NT5M: variants seen among roughly 807,000 people sequenced by gnomAD.
NT5M encodes the protein 5',3'-nucleotidase, mitochondrial.
In NT5M, 22 loss-of-function variants were observed where a neutral mutation model predicts 22.2. The observed-to-expected ratio is 0.99, with a 90% CI of 0.71 to 1.41. The LOEUF (loss-of-function observed/expected upper bound fraction) is 1.41. Ranked by LOEUF, NT5M falls within the 40% of genes most tolerant of loss-of-function variation. The pLI, the probability that NT5M is intolerant of heterozygous loss-of-function variation, is 0.00. For missense variants in NT5M, 322 were observed against 314.8 expected, an observed-to-expected ratio of 1.02 and a Z score of -0.17; for synonymous variants, 167 against 133.0, an observed-to-expected ratio of 1.26 and a Z score of -1.76.
At chr17:17,328,900 GT>G (rs2049316547) in intron 3 of NT5M, among the ~76,000 whole-genome samples, 2 of 152,182 alleles carry the variant, frequency 1.3e-5, no homozygotes, top group South Asian at 4.1e-4. Context: ...AGCCAAGCTG[GT>G]AGTATACGTC....
intron 3 of NT5M, among the ~76,000 whole-genome samples, chr17:17,330,215 G>A (rs1468704731): frequency 1.3e-5 from 2 of 150,954 alleles, no homozygotes; most frequent in Admixed American, 6.6e-5. Context: ...CAGGAGAATG[G>A]CGTGAACCCG....
At chr17:17,316,655 A>T (rs1486964805) in intron 2 of NT5M, among the ~76,000 whole-genome samples, 2 of 142,468 alleles carry the variant, frequency 1.4e-5, no homozygotes, top group Non-Finnish European at 3.1e-5. Context: ...GGATTACAGA[A>T]GTGAGCCACC....
chr17:17,303,417 C>G lies in NT5M; in HGVS notation c.-134C>G, dbSNP rs934478876. Reference sequence around the variant, plus strand: ...CGCGCCCGCACCCCGCGCTCCCCGCCCCGCTCCCCGTCCCGCGCTCCACGC... The same window carrying G: ...CGCGCCCGCACCCCGCGCTCCCCGCGCCGCTCCCCGTCCCGCGCTCCACGC... On this transcript the variant is annotated 5_prime_UTR_variant, in exon 1 of 5. Coordinates refer to ENST00000389022, the MANE Select transcript of NT5M (RefSeq NM_020201.4). 2.0e-6 allele frequency: 2 copies of G among 978,670 alleles called. No homozygotes were observed. Among genetic ancestry groups the G allele is most frequent in the South Asian group, 4.8e-5 (1 of 21,032 alleles). 60.6% of individuals were successfully genotyped at this position (978,670 alleles called of 1,614,324 possible). A position where few individuals can be genotyped will look rare whatever the true frequency, so the allele number is the denominator to read the frequency against.
intron 2 of NT5M, among the ~76,000 whole-genome samples, chr17:17,320,003 C>T (rs1007949860): frequency 2.6e-5 from 4 of 152,050 alleles, no homozygotes; most frequent in South Asian, 2.1e-4. Flanking sequence ...TCACCACGTC[C>T]GGCTATTTTT....
intron 1 of NT5M, among the ~76,000 whole-genome samples, chr17:17,306,174 T>C (rs1411573088): frequency 6.6e-6 from 1 of 152,098 alleles, no homozygotes; most frequent in Non-Finnish European, 1.5e-5. Flanking sequence ...AGGACTCTAC[T>C]ACCATGGTAA....
chr17:17,315,743 GGTTTTTTTGTTTTTT>G (rs2049009656), intron 2 of NT5M, among the ~76,000 whole-genome samples: 2 of 131,284 alleles, frequency 1.5e-5, no homozygotes, highest in Non-Finnish European at 1.6e-5. Flanking sequence ...TCTAACTTAG[GGTTTTTTTGTTTTTT>G]TTTTTTTTTT....
rs370474354 is a variant in NT5M, at chr17:17,303,796, C to T, written c.246C>T (p.Gly82=). The part of the protein sequence containing the change: ...RRGFWVSEQY[G]RLRPGLSEKA... ...GCTTCTGGGTGTCGGAGCAGTACGG[C>T]CGCCTGCGGCCAGGGCTGAGCGTGA... Residue 82 remains glycine (G), a synonymous_variant, in exon 1 of 5, where the codon GGC becomes GGT. Transcript: ENST00000389022. The T allele has an allele frequency of 2.8e-5, 43 of 1,543,220 alleles. No homozygotes were observed. The highest frequency in any genetic ancestry group is 3.8e-5 in the Non-Finnish European group (43 of 1,143,320).
chr17:17,342,751 C>T (rs2049672216), intron 3 of NT5M, among the ~76,000 whole-genome samples: 1 of 152,162 alleles, frequency 6.6e-6, no homozygotes, highest in South Asian at 2.1e-4. Flanking sequence ...AGAGAAGATG[C>T]CGCCTTTGCA....
At chr17:17,331,000 C>G (rs1004394348) in intron 3 of NT5M, among the ~76,000 whole-genome samples, 2 of 151,590 alleles carry the variant, frequency 1.3e-5, no homozygotes, top group East Asian at 3.9e-4. Flanking sequence ...CCTCAGCCTC[C>G]CAAAGTGCTA....
chr17:17,325,190 G>T (rs550486856), intron 3 of NT5M, among the ~76,000 whole-genome samples: 1 of 152,312 alleles, frequency 6.6e-6, no homozygotes, highest in Non-Finnish European at 1.5e-5. Context: ...GGGTGGCCAT[G>T]GTGGTTGACC....
chr17:17,317,269 T>C (rs1378290300), intron 2 of NT5M, among the ~76,000 whole-genome samples: 1 of 151,744 alleles, frequency 6.6e-6, no homozygotes, highest in Non-Finnish European at 1.5e-5. Context: ...CAGGTTAGTC[T>C]CGATCTCCTG....
Position 17,346,875 on chromosome 17 carries a change from G to C in NT5M, c.615G>C (p.Gln205His), listed in dbSNP as rs965987144. 1 of 1,607,678 alleles carries C rather than the reference G, an allele frequency of 6.2e-7. No individual in the cohort carries two copies. The highest frequency in any genetic ancestry group is 2.2e-5 in the East Asian group (1 of 44,860). ...GCCACAACCAGCACCTGCAGCTGCAGCCCCCCCGCCGCAGGCTGCACTCGT... is the reference window on the plus strand; with the variant it reads ...GCCACAACCAGCACCTGCAGCTGCACCCCCCCCGCCGCAGGCTGCACTCGT... ...TACHNQHLQL[Q>H]PPRRRLHSWA... Residue 205 changes from glutamine to histidine, a missense_variant, in exon 5 of 5, where the codon CAG becomes CAC. Gln to His is a conservative substitution (Grantham distance 24). Transcript: ENST00000389022.
intron 4 of NT5M, chr17:17,345,163 T>A: frequency 8.8e-7 from 1 of 1,133,062 alleles, no homozygotes; most frequent in Non-Finnish European, 1.2e-6. Flanking sequence ...CCCTTCAGCT[T>A]CAAAGCCTTG....
Position 17,323,256 on chromosome 17 carries a change from C to T in NT5M, c.429+11C>T, listed in dbSNP as rs1396738274. On this transcript the variant is annotated intron_variant, in intron 3 of 4. Coordinates refer to ENST00000389022, the MANE Select transcript of NT5M (RefSeq NM_020201.4). ...TGTCCCTATGAGAAGGTAAGGCGTG[C>T]GTCTGCTCAGCTGAGCCCTTACCCC... 6.2e-6 allele frequency: 10 copies of T among 1,610,664 alleles called. No homozygotes were observed. The highest frequency in any genetic ancestry group is 4.5e-5 in the East Asian group (2 of 44,880).
chr17:17,313,073 C>T (rs941668996), intron 2 of NT5M, among the ~76,000 whole-genome samples: 5 of 152,006 alleles, frequency 3.3e-5, no homozygotes, highest in South Asian at 2.1e-4. Context: ...AGTTCGAGAC[C>T]GGCCTGACCA....
intron 3 of NT5M, among the ~76,000 whole-genome samples, chr17:17,331,535 C>T (rs2049386138): frequency 6.6e-6 from 1 of 151,612 alleles, no homozygotes; most frequent in Admixed American, 6.6e-5. Context: ...CTAGTTAGAT[C>T]TGGCCATTTC....
rs533392187 is a variant in NT5M, at chr17:17,304,491, A to C, written c.267+674A>C. 30 of 957,134 alleles carry C rather than the reference A, an allele frequency of 3.1e-5. No homozygotes were observed. The Admixed American group carries it at 8.0e-4, about 26-fold the overall frequency. The allele number at this position is 957,134 out of a possible 1,614,324, so 59.3% of individuals were successfully genotyped here. ...ACACAGATCTTGGTTGGTAAATTTGAAGTATTTTGCAAAAGGAACAGGGGA... is the reference window on the plus strand; with the variant it reads ...ACACAGATCTTGGTTGGTAAATTTGCAGTATTTTGCAAAAGGAACAGGGGA... On this transcript the variant is annotated intron_variant, in intron 1 of 4. Coordinates refer to ENST00000389022, the MANE Select transcript of NT5M (RefSeq NM_020201.4).
In NT5M at chr17:17,344,836, C is replaced by G. The variant is rs1429727838; in HGVS notation, c.472C>G (p.Gln158Glu). Residue 158 changes from glutamine to glutamate, a missense_variant, in exon 4 of 5, where the codon CAG becomes GAG. By Grantham distance (29) the Gln-to-Glu change is conservative (BLOSUM62 2). Coordinates refer to ENST00000389022, the MANE Select transcript of NT5M (RefSeq NM_020201.4). ...GTACTTTGGCCCTGACTTTCTGGAG[C>G]AGATTGTGCTGACCAGAGACAAGAC... ...EKYFGPDFLE[Q>E]IVLTRDKTVV... is the part of the protein sequence containing the mutation. The G allele has an allele frequency of 2.5e-6, 4 of 1,614,204 alleles. No individual in the cohort carries two copies. In the South Asian group the frequency reaches 4.4e-5, roughly 18 times the overall value.
chr17:17,345,654 C>CAAAAAA (rs200957034), intron 4 of NT5M, among the ~76,000 whole-genome samples: 7,604 of 145,574 alleles, frequency 0.052, 271 homozygotes, highest in Non-Finnish European at 0.075. Flanking sequence ...AAAAAAAACA[C>CAAAAAA]AAAAAAATTA....
Sources: gnomAD v4.1 joint callset for allele counts (sites outside exome capture counted in the v4.1 genomes callset) on GRCh38, gnomAD v4.1.1 for gene constraint, MANE v1.5 for transcripts, NCBI Gene and HGNC (gene_info 2026-07-23, HGNC 2026-07-21) for gene names.